The following TTC17 variants were observed in gnomAD, a reference collection of about 807,000 sequenced individuals.
TTC17 encodes tetratricopeptide repeat protein 17.
TTC17 carries 58 observed loss-of-function variants against 143.8 expected under a neutral mutation model. The observed-to-expected ratio is 0.40, with a 90% CI of 0.33 to 0.50. The LOEUF (loss-of-function observed/expected upper bound fraction) is 0.50, where lower values mean the gene tolerates loss of function less well. Among genes scored for constraint, TTC17 ranks in the 20% least tolerant of loss-of-function variants. TTC17 has a pLI of 0.49. For missense variants in TTC17, 1,273 were observed against 1,392.5 expected (o/e 0.91, Z 1.37); for synonymous variants, 501 against 497.8 (o/e 1.01, Z -0.09).
intron 1 of TTC17, among the ~76,000 whole-genome samples, chr11:43,368,582 C>A (rs2101816): frequency 0.059 from 8,957 of 152,250 alleles, 290 homozygotes; most frequent in African/African-American, 0.095. Context: ...ATACTGTCTT[C>A]ATCTCTTTGC....
At chr11:43,367,846 T>C (rs1425046447) in intron 1 of TTC17, among the ~76,000 whole-genome samples, 1 of 152,110 alleles carries the variant, frequency 6.6e-6, no homozygotes, top group Non-Finnish European at 1.5e-5. Context: ...TTCATCCCTA[T>C]AACTCTTGTC....
At chr11:43,364,708 T>C (rs1434645116) in intron 1 of TTC17, among the ~76,000 whole-genome samples, 1 of 152,242 alleles carries the variant, frequency 6.6e-6, no homozygotes, top group South Asian at 2.1e-4. Context: ...GATTCTGACT[T>C]TGTTTATGCT....
intron 23 of TTC17, 30 bp from the exon 24 acceptor site, chr11:43,493,743 C>G: frequency 6.2e-7 from 1 of 1,613,756 alleles, no homozygotes; most frequent in Non-Finnish European, 8.5e-7. Flanking sequence ...TGGTGCCATC[C>G]CCTCACATTT....
At chr11:43,370,041 G>C (rs921347847) in intron 1 of TTC17, 3 of 452,880 alleles carry the variant, frequency 6.6e-6, no homozygotes, top group African/African-American at 6.0e-5. Context: ...AATGTTTCTA[G>C]TAAAAGATCT....
In TTC17 at chr11:43,493,644, T is replaced by G. The variant is rs1948509915; in HGVS notation, c.3295-129T>G. 8.5e-6 allele frequency: 12 copies of G among 1,403,740 alleles called. No individual in the cohort carries two copies. The South Asian group carries it at 1.5e-4, about 18-fold the overall frequency. The allele number at this position is 1,403,740 out of a possible 1,614,324, so 87.0% of individuals were successfully genotyped here. ...GAACCTCAGAGTTTTCCACAAAGAC[T>G]TAGATCCGTTGAGCAAATGCTGCGG... On this transcript the variant is annotated intron_variant, in intron 23 of 23. Coordinates refer to ENST00000039989, the MANE Select transcript of TTC17 (RefSeq NM_018259.6).
chr11:43,439,332 G>A (rs1175922168), intron 16 of TTC17, among the ~76,000 whole-genome samples: 1 of 152,146 alleles, frequency 6.6e-6, no homozygotes, highest in Non-Finnish European at 1.5e-5. Flanking sequence ...TTCTGTGAAT[G>A]TGCTCTGCTT....
intron 1 of TTC17, among the ~76,000 whole-genome samples, chr11:43,369,339 A>C (rs999147588): frequency 2.0e-5 from 3 of 152,216 alleles, no homozygotes; most frequent in Non-Finnish European, 2.9e-5. Flanking sequence ...AGATGTTCAA[A>C]TCTAGATAAC....
chr11:43,447,280 G>A (rs1947564263), intron 18 of TTC17, among the ~76,000 whole-genome samples: 1 of 152,172 alleles, frequency 6.6e-6, no homozygotes, highest in South Asian at 2.1e-4. Flanking sequence ...AGGATGTAAA[G>A]CACTTAGCAT....
At chr11:43,390,511 G>C (rs1254544139) in intron 3 of TTC17, among the ~76,000 whole-genome samples, 1 of 151,974 alleles carries the variant, frequency 6.6e-6, no homozygotes, top group Non-Finnish European at 1.5e-5. Flanking sequence ...AGCTACTCGG[G>C]AAGCTGAGGC....
intron 21 of TTC17, chr11:43,466,622 G>T: frequency 3.2e-6 from 1 of 312,886 alleles, no homozygotes; most frequent in Non-Finnish European, 6.4e-6. Flanking sequence ...CCATCTACGG[G>T]GATAAATTTG....
At chr11:43,487,669 A>G (rs1201958514) in intron 21 of TTC17, among the ~76,000 whole-genome samples, 1 of 152,206 alleles carries the variant, frequency 6.6e-6, no homozygotes, top group Non-Finnish European at 1.5e-5. Flanking sequence ...GAAGTTTTTC[A>G]ACATATATGA....
chr11:43,444,004 G>C, intron 17 of TTC17, 52 bp from the exon 18 acceptor site: 1 of 1,533,682 alleles, frequency 6.5e-7, no homozygotes, highest in Non-Finnish European at 8.8e-7. Flanking sequence ...ACAAATCATT[G>C]ACAGATTTGA....
At chr11:43,368,588 T>A (rs879382618) in intron 1 of TTC17, among the ~76,000 whole-genome samples, 26 of 152,248 alleles carry the variant, frequency 1.7e-4, no homozygotes, top group Admixed American at 1.5e-3. Flanking sequence ...TCTTCATCTC[T>A]TTGCAGAACC....
chr11:43,404,281 T>A, intron 11 of TTC17, 137 bp downstream of exon 11: 2 of 773,542 alleles, frequency 2.6e-6, no homozygotes, highest in Non-Finnish European at 3.8e-6. Flanking sequence ...ACATTTCTAT[T>A]AAATGGAAGC....
At chr11:43,389,583 T>A (rs894927511) in intron 2 of TTC17, 69 bp from the exon 3 acceptor site, 9 of 1,452,962 alleles carry the variant, frequency 6.2e-6, no homozygotes, top group Non-Finnish European at 8.3e-6. Flanking sequence ...CAGATTCCCC[T>A]TTCTCTTCAA....
intron 21 of TTC17, among the ~76,000 whole-genome samples, chr11:43,473,572 TGCTAATG>T (rs1456793471): frequency 6.6e-6 from 1 of 152,040 alleles, no homozygotes; most frequent in African/African-American, 2.4e-5. Flanking sequence ...TGCCATACAT[TGCTAATG>T]AAAATGTGAA....
chr11:43,383,806 C>G (rs547902508), intron 2 of TTC17, among the ~76,000 whole-genome samples: 264 of 151,838 alleles, frequency 1.7e-3, no homozygotes, highest in Non-Finnish European at 2.0e-3. Context: ...CTTTTCTTTT[C>G]AAAACATACT....
At chr11:43,456,346 G>A (rs1242577108) in intron 21 of TTC17, among the ~76,000 whole-genome samples, 1 of 152,040 alleles carries the variant, frequency 6.6e-6, no homozygotes, top group Non-Finnish European at 1.5e-5. Context: ...TATAGACAAA[G>A]GCATTCAGAC....
Position 43,414,589 on chromosome 11 carries a change from G to T in TTC17, c.2065-1G>T. On this transcript the variant is annotated splice_acceptor_variant, in intron 15 of 23. Transcript: ENST00000039989. LOFTEE classifies it high-confidence loss of function. ...TTTTGCCGATTTTTTTTTCTTTTCA[G>T]CCTCTGACCTTTTTGAGCCTGGGAA... The T allele has an allele frequency of 1.3e-6, 2 of 1,585,944 alleles. No homozygotes were observed. Among genetic ancestry groups the T allele is most frequent in the Non-Finnish European group, 1.7e-6 (2 of 1,168,520 alleles).
Sources: gnomAD v4.1 joint callset for allele counts (sites outside exome capture counted in the v4.1 genomes callset) on GRCh38, gnomAD v4.1.1 for gene constraint, MANE v1.5 for transcripts, NCBI Gene and HGNC (gene_info 2026-07-23, HGNC 2026-07-21) for gene names.